KCNMA1: variants seen among roughly 807,000 people sequenced by gnomAD.
KCNMA1 encodes potassium calcium-activated channel subfamily M alpha 1.
KCNMA1 carries 29 observed loss-of-function variants against 140.0 expected under a neutral mutation model. The ratio of observed to expected loss-of-function variants is 0.21; its 90% CI spans 0.15 to 0.28. The LOEUF is 0.28. Ranked by LOEUF, KCNMA1 falls within the 10% of genes least tolerant of loss-of-function variation. The pLI is 1.00. For missense variants in KCNMA1, 880 were observed against 1,602.2 expected (o/e 0.55, Z 7.70); for synonymous variants, 612 against 611.9 (o/e 1.00, Z 0.00).
In KCNMA1 at chr10:76,995,893, C is replaced by T. The variant is rs149407204; in HGVS notation, c.2266+5514G>A. Reference sequence around the variant, plus strand: ...ATGGGGTATACACAAAGGACCCTGTCAGCTTCCCTCATTCTGACCTTTCTC... The same window carrying T: ...ATGGGGTATACACAAAGGACCCTGTTAGCTTCCCTCATTCTGACCTTTCTC... On this transcript the variant is annotated intron_variant, in intron 19 of 27. Transcript: ENST00000286628. 2.2e-3 allele frequency among the ~76,000 whole-genome samples: 332 copies of T among 152,278 alleles called. 1 individual carries two copies. Among genetic ancestry groups the T allele is most frequent in the African/African-American group, 7.7e-3 (322 of 41,560 alleles).
intron 2 of KCNMA1, among the ~76,000 whole-genome samples, chr10:77,301,949 G>C (rs1164599000): frequency 6.6e-6 from 1 of 151,692 alleles, no homozygotes; most frequent in Non-Finnish European, 1.5e-5. Flanking sequence ...CAGGTGGAGT[G>C]ACCTCTCATC....
At chr10:77,150,078 A>C (rs2098390824) in intron 5 of KCNMA1, 1 of 152,200 alleles carries the variant, frequency 6.6e-6, no homozygotes, top group South Asian at 2.1e-4. Flanking sequence ...TATGAAAATA[A>C]ATAAAGTGGG....
At chr10:77,494,603 G>A (rs2041200288) in intron 1 of KCNMA1, among the ~76,000 whole-genome samples, 1 of 152,224 alleles carries the variant, frequency 6.6e-6, no homozygotes, top group South Asian at 2.1e-4. Context: ...CCAACCCTGA[G>A]CCCCTCAGGG....
At chr10:76,893,485 T>C (rs1409608439) in intron 25 of KCNMA1, among the ~76,000 whole-genome samples, 1 of 152,092 alleles carries the variant, frequency 6.6e-6, no homozygotes, top group Non-Finnish European at 1.5e-5. Context: ...TCCCAGAACT[T>C]TGGTAGGCCA....
intron 2 of KCNMA1, among the ~76,000 whole-genome samples, chr10:77,343,626 T>C (rs1022265185): frequency 1.3e-5 from 2 of 152,204 alleles, no homozygotes; most frequent in East Asian, 1.9e-4. Flanking sequence ...ATAAGAGTTA[T>C]ATTCTAGCGA....
chr10:77,558,596 A>G (rs1332005227), intron 1 of KCNMA1, among the ~76,000 whole-genome samples: 1 of 152,166 alleles, frequency 6.6e-6, no homozygotes, highest in African/African-American at 2.4e-5. Context: ...TCTTGTACAC[A>G]GACCCCTGTG....
intron 2 of KCNMA1, among the ~76,000 whole-genome samples, chr10:77,382,903 T>A (rs71492186): frequency 3.2e-5 from 3 of 92,718 alleles, no homozygotes; most frequent in South Asian, 4.1e-4. Context: ...TATATATATA[T>A]ACACACACAC....
chr10:77,269,759 G>A (rs1332450604), intron 2 of KCNMA1, among the ~76,000 whole-genome samples: 4 of 152,152 alleles, frequency 2.6e-5, no homozygotes, highest in Non-Finnish European at 4.4e-5. Context: ...CTGGCGAAGT[G>A]GGCAGCTACC....
At chr10:77,605,792 C>T (rs2084285980) in intron 1 of KCNMA1, among the ~76,000 whole-genome samples, 1 of 152,248 alleles carries the variant, frequency 6.6e-6, no homozygotes, top group African/African-American at 2.4e-5. Context: ...AAATGGCTCA[C>T]ACTTGGTAGG....
chr10:77,621,097 C>T (rs1010332759), intron 1 of KCNMA1, among the ~76,000 whole-genome samples: 10 of 152,170 alleles, frequency 6.6e-5, no homozygotes, highest in Admixed American at 2.0e-4. Flanking sequence ...GGCCACAATG[C>T]GCAATGGCCT....
At chr10:77,178,496 C>T (rs2098773399) in intron 5 of KCNMA1, among the ~76,000 whole-genome samples, 1 of 152,138 alleles carries the variant, frequency 6.6e-6, no homozygotes, top group African/African-American at 2.4e-5. Context: ...CACCTGAGGT[C>T]AGGAGTTTGA....
chr10:77,491,087 A>T (rs2098526175), intron 1 of KCNMA1, among the ~76,000 whole-genome samples: 1 of 152,234 alleles, frequency 6.6e-6, no homozygotes, highest in South Asian at 2.1e-4. Flanking sequence ...GCAAGTCATT[A>T]TCTAAAAGAA....
chr10:77,432,306 G>A (rs1361013395), intron 1 of KCNMA1, among the ~76,000 whole-genome samples: 2 of 152,324 alleles, frequency 1.3e-5, no homozygotes, highest in African/African-American at 4.8e-5. Context: ...CACTGCGTGA[G>A]GCTGGGAAGG....
At chr10:77,404,975 G>A (rs529656584) in intron 1 of KCNMA1, among the ~76,000 whole-genome samples, 16 of 147,162 alleles carry the variant, frequency 1.1e-4, no homozygotes, top group Non-Finnish European at 1.8e-4. Context: ...TTGAACACCC[G>A]GATCCAGCTG....
At chr10:77,209,283 C>T (rs2154170916) in intron 3 of KCNMA1, among the ~76,000 whole-genome samples, 1 of 152,294 alleles carries the variant, frequency 6.6e-6, no homozygotes, top group East Asian at 1.9e-4. Flanking sequence ...AATGGTCACA[C>T]CTGTGACACA....
intron 5 of KCNMA1, among the ~76,000 whole-genome samples, chr10:77,153,574 G>A (rs2098449081): frequency 6.6e-6 from 1 of 151,980 alleles, no homozygotes; most frequent in Non-Finnish European, 1.5e-5. Flanking sequence ...GTTTCACCAT[G>A]TTGCCCAGGC....
At chr10:77,424,502 C>A (rs2096933494) in intron 1 of KCNMA1, among the ~76,000 whole-genome samples, 2 of 129,658 alleles carry the variant, frequency 1.5e-5, no homozygotes, top group South Asian at 5.4e-4. Flanking sequence ...GAATGAAGAT[C>A]TGTGTTCATT....
At chr10:76,975,375 G>A (rs1470010411) in intron 19 of KCNMA1, 1 of 152,316 alleles carries the variant, frequency 6.6e-6, no homozygotes, top group East Asian at 1.9e-4. Flanking sequence ...AATGGTGCCT[G>A]GCTGTTTCTC....
intron 1 of KCNMA1, among the ~76,000 whole-genome samples, chr10:77,631,736 G>A (rs1395692303): frequency 6.6e-6 from 1 of 152,170 alleles, no homozygotes; most frequent in African/African-American, 2.4e-5. Flanking sequence ...TAGCTGTGAG[G>A]CAAAGAGAAG....
Sources: gnomAD v4.1 joint callset for allele counts (sites outside exome capture counted in the v4.1 genomes callset) on GRCh38, gnomAD v4.1.1 for gene constraint, MANE v1.5 for transcripts, NCBI Gene and HGNC (gene_info 2026-07-23, HGNC 2026-07-21) for gene names.